The following PTPN4 variants were observed in gnomAD, a reference collection of about 807,000 sequenced individuals.
PTPN4 encodes the protein protein tyrosine phosphatase non-receptor type 4.
A neutral mutation model predicts 135.5 loss-of-function variants in PTPN4; 49 were observed. That is an observed-to-expected ratio of 0.36 (90% confidence interval 0.29 to 0.46). The LOEUF is 0.46. Among genes scored for constraint, PTPN4 ranks in the 20% least tolerant of loss-of-function variants. The pLI is 1.00. For missense variants in PTPN4, 860 were observed against 1,101.0 expected, an observed-to-expected ratio of 0.78 and a Z score of 3.10; for synonymous variants, 333 against 369.9, an observed-to-expected ratio of 0.90 and a Z score of 1.14.
At chr2:119,829,489 TC>T (rs1334435174) in intron 2 of PTPN4, among the ~76,000 whole-genome samples, 2 of 152,212 alleles carry the variant, frequency 1.3e-5, no homozygotes, top group African/African-American at 4.8e-5. Context: ...CATGATTCTC[TC>T]CCCTCAGCTC....
In PTPN4 at chr2:119,760,200, G is replaced by A; in HGVS notation, c.-202G>A. 2.5e-6 allele frequency: 1 copy of A among 395,728 alleles called. No individual in the cohort carries two copies. The highest frequency in any genetic ancestry group is 4.5e-6 in the Non-Finnish European group (1 of 224,224). The allele number at this position is 395,728 out of a possible 1,614,324, so 24.5% of individuals were successfully genotyped here. A position where few individuals can be genotyped will look rare whatever the true frequency, so the allele number is the denominator to read the frequency against. On this transcript the variant is annotated 5_prime_UTR_variant, in exon 1 of 27. Coordinates refer to ENST00000263708, the MANE Select transcript of PTPN4 (RefSeq NM_002830.4). ...ACCTCCCCAGCGGCGCCGGCCCGCG[G>A]CTGCCCAGCAGCATGAGGTGGTGCT...
At chr2:119,765,414 T>C (rs1690596782) in intron 1 of PTPN4, among the ~76,000 whole-genome samples, 1 of 152,246 alleles carries the variant, frequency 6.6e-6, no homozygotes, top group Non-Finnish European at 1.5e-5. Flanking sequence ...TCAAGTGTCA[T>C]GAATATTTCT....
chr2:119,956,797 T>A (rs377707174), intron 20 of PTPN4, 47 bp from the exon 21 acceptor site: 3 of 1,577,094 alleles, frequency 1.9e-6, no homozygotes, highest in Non-Finnish European at 2.6e-6. Context: ...AAAAGAGAAA[T>A]TGTTTATGGC....
At position 119,983,850 on chromosome 2, in the gene PTPN4, C is replaced by T. The variant is rs1160649938; in HGVS notation, c.*6780C>T. The T allele has an allele frequency of 6.6e-6, 1 of 152,154 alleles. No homozygotes were observed. The highest frequency in any genetic ancestry group is 1.5e-5 in the Non-Finnish European group (1 of 68,026). The allele number at this position is 152,154 out of a possible 1,614,324, so 9.4% of individuals were successfully genotyped here. On this transcript the variant is annotated 3_prime_UTR_variant, in exon 27 of 27. Transcript: ENST00000263708. ...GTTCTCACAGCTAGTTTCATCTAAG[C>T]TTGGTTTATTATCATTTCTGCTTTG...
Position 119,977,187 on chromosome 2 carries a change from A to C in PTPN4, c.*117A>C. 2 of 1,379,658 alleles carry C rather than the reference A, an allele frequency of 1.4e-6. No homozygotes were observed. Among genetic ancestry groups the C allele is most frequent in the Non-Finnish European group, 9.4e-7 (1 of 1,063,416 alleles). The allele number at this position is 1,379,658 out of a possible 1,614,324, so 85.5% of individuals were successfully genotyped here. ...AAAAAAAAAATGAAGAACTCAAAAAAACTTTGAAAACTTCAGCACTGTTGC... is the reference window on the plus strand; with the variant it reads ...AAAAAAAAAATGAAGAACTCAAAAACACTTTGAAAACTTCAGCACTGTTGC... On this transcript the variant is annotated 3_prime_UTR_variant, in exon 27 of 27. Transcript: ENST00000263708.
chr2:119,784,917 T>C (rs1691019974), intron 1 of PTPN4, among the ~76,000 whole-genome samples: 2 of 149,206 alleles, frequency 1.3e-5, no homozygotes, highest in African/African-American at 5.0e-5. Context: ...TCAGTCTGGG[T>C]TCCTCATCCT....
intron 9 of PTPN4, among the ~76,000 whole-genome samples, chr2:119,888,918 TG>T (rs1678198033): frequency 6.6e-6 from 1 of 152,216 alleles, no homozygotes; most frequent in Non-Finnish European, 1.5e-5. Context: ...ATTACTTCTT[TG>T]TGTGTTTGGT....
chr2:119,778,786 T>C (rs991603082), intron 1 of PTPN4, among the ~76,000 whole-genome samples: 1 of 152,230 alleles, frequency 6.6e-6, no homozygotes, highest in Non-Finnish European at 1.5e-5. Context: ...ATCAGGTCGG[T>C]AACAATTGAG....
intron 1 of PTPN4, among the ~76,000 whole-genome samples, chr2:119,807,343 GAAGAA>G (rs1380790081): frequency 6.6e-6 from 1 of 152,076 alleles, no homozygotes; most frequent in Non-Finnish European, 1.5e-5. Context: ...GACTAATAAA[GAAGAA>G]AAGAGGGAAG....
intron 1 of PTPN4, among the ~76,000 whole-genome samples, chr2:119,792,795 TGG>T (rs1691173172): frequency 6.6e-6 from 1 of 152,162 alleles, no homozygotes; most frequent in South Asian, 2.1e-4. Context: ...GCTGGGTGTC[TGG>T]GGGAGACATC....
chr2:119,861,850 A>G (rs1677764325), intron 2 of PTPN4, among the ~76,000 whole-genome samples: 1 of 152,186 alleles, frequency 6.6e-6, no homozygotes, highest in Non-Finnish European at 1.5e-5. Context: ...TTTAATGCCT[A>G]CATGATAGAA....
chr2:119,946,464 G>A, intron 17 of PTPN4, 40 bp downstream of exon 17: 1 of 1,589,942 alleles, frequency 6.3e-7, no homozygotes, highest in Non-Finnish European at 8.6e-7. Flanking sequence ...TTTAAATTAA[G>A]ATGTTCTTAT....
At chr2:119,824,531 ATT>A (rs1677118036) in intron 2 of PTPN4, among the ~76,000 whole-genome samples, 1 of 152,122 alleles carries the variant, frequency 6.6e-6, no homozygotes, top group Non-Finnish European at 1.5e-5. Flanking sequence ...AGAGAGTAGC[ATT>A]GAAGTCTTCA....
Position 119,760,076 on chromosome 2 carries a change from A to T in PTPN4, c.-326A>T. 1 of 384,360 alleles carries T rather than the reference A, an allele frequency of 2.6e-6. No homozygotes were observed. The highest frequency in any genetic ancestry group is 4.6e-6 in the Non-Finnish European group (1 of 217,396). 23.8% of individuals were successfully genotyped at this position (384,360 alleles called of 1,614,324 possible). ...TTGGCTTTGGCCGCGGGGTCGGAGG[A>T]TTGGGGCCAGGCCCCCTCCCCCACG... On this transcript the variant is annotated 5_prime_UTR_variant, in exon 1 of 27. Transcript: ENST00000263708.
chr2:119,879,252 G>C (rs1335211799), intron 5 of PTPN4, among the ~76,000 whole-genome samples: 1 of 152,112 alleles, frequency 6.6e-6, no homozygotes, highest in Non-Finnish European at 1.5e-5. Context: ...AGAATGTGTT[G>C]ATTCTTTTAT....
At chr2:119,957,841 C>T (rs1022241498) in intron 22 of PTPN4, among the ~76,000 whole-genome samples, 4 of 152,098 alleles carry the variant, frequency 2.6e-5, no homozygotes, top group African/African-American at 9.7e-5. Flanking sequence ...TACCTCTACT[C>T]ACTCTTGATG....
intron 22 of PTPN4, 73 bp from the exon 23 acceptor site, chr2:119,960,734 G>A (rs1279954577): frequency 2.0e-6 from 3 of 1,466,702 alleles, no homozygotes; most frequent in East Asian, 2.3e-5. Context: ...ACAGTTAGTG[G>A]ATGATTTTCC....
At position 119,984,491 on chromosome 2, in the gene PTPN4, A is replaced by T. The variant is rs536415674; in HGVS notation, c.*7421A>T. ...CTATATCACAAAAATATCTCTTTCC[A>T]TATGATCTCATAATTGAGGCAAAGA... On this transcript the variant is annotated 3_prime_UTR_variant, in exon 27 of 27. Transcript: ENST00000263708. Among the ~76,000 whole-genome samples, 1 of 152,314 alleles carries T rather than the reference A, an allele frequency of 6.6e-6. No individual in the cohort carries two copies. Among genetic ancestry groups the T allele is most frequent in the Admixed American group, 6.5e-5 (1 of 15,304 alleles).
intron 1 of PTPN4, among the ~76,000 whole-genome samples, chr2:119,789,786 G>A: frequency 6.6e-6 from 1 of 151,522 alleles, no homozygotes; most frequent in Non-Finnish European, 1.5e-5. Flanking sequence ...GCAGTGGTGT[G>A]ATCTCGGCTC....
Sources: gnomAD v4.1 joint callset for allele counts (sites outside exome capture counted in the v4.1 genomes callset) on GRCh38, gnomAD v4.1.1 for gene constraint, MANE v1.5 for transcripts, NCBI Gene and HGNC (gene_info 2026-07-23, HGNC 2026-07-21) for gene names.